TSHZ2: variants seen among roughly 807,000 people sequenced by gnomAD.
The protein encoded by TSHZ2 is teashirt homolog 2.
Under a neutral mutation model 74.4 loss-of-function variants are expected in TSHZ2, and 21 were observed. The ratio of observed to expected loss-of-function variants is 0.28; its 90% CI spans 0.20 to 0.41. The LOEUF (loss-of-function observed/expected upper bound fraction) is 0.41, where lower values mean the gene tolerates loss of function less well. Among genes scored for constraint, TSHZ2 ranks in the 10% least tolerant of loss-of-function variants. TSHZ2 has a pLI of 1.00. For missense variants in TSHZ2, 1,244 were observed against 1,293.5 expected, an observed-to-expected ratio of 0.96 and a Z score of 0.59; for synonymous variants, 540 against 515.3, an observed-to-expected ratio of 1.05 and a Z score of -0.65.
chr20:53,118,368 G>A (rs1986724014), intron 1 of TSHZ2, among the ~76,000 whole-genome samples: 1 of 152,192 alleles, frequency 6.6e-6, no homozygotes, highest in African/African-American at 2.4e-5. Flanking sequence ...AGCAGAGCCT[G>A]AGGCAGGGAT....
rs563884314 is a variant in TSHZ2 at position 53,074,842 on chromosome 20, A to T, written c.40+101509A>T. 6.6e-6 allele frequency among the ~76,000 whole-genome samples: 1 copy of T among 152,220 alleles called. No individual in the cohort carries two copies. Among genetic ancestry groups the T allele is most frequent in the Non-Finnish European group, 1.5e-5 (1 of 68,034 alleles). ...TTAGTCCCATTTAACAGATGAAGCA[A>T]TTGAGGCTTAGAGAAGCAAATGACT... is the stretch of plus-strand genomic sequence containing the variant. On this transcript the variant is annotated intron_variant, in intron 1 of 2. Transcript: ENST00000371497. The surrounding 1 kb of genome is among the most constrained non-coding windows in gnomAD (Gnocchi z 5.9).
At chr20:53,215,010 A>G (rs1989401291) in intron 1 of TSHZ2, among the ~76,000 whole-genome samples, 1 of 152,182 alleles carries the variant, frequency 6.6e-6, no homozygotes, top group African/African-American at 2.4e-5. Flanking sequence ...TAAAAAATCC[A>G]ATGGACACTG....
At chr20:53,483,758 A>G (rs1237168835) in intron 2 of TSHZ2, among the ~76,000 whole-genome samples, 1 of 152,154 alleles carries the variant, frequency 6.6e-6, no homozygotes, top group African/African-American at 2.4e-5. Context: ...TGTGTTGTGA[A>G]TTTCCAAGAC....
chr20:53,112,392 G>A (rs1330565394), intron 1 of TSHZ2, among the ~76,000 whole-genome samples: 2 of 152,180 alleles, frequency 1.3e-5, no homozygotes, highest in Non-Finnish European at 2.9e-5. Context: ...CCATTTTAAT[G>A]CCTCAGTTTT....
At chr20:53,184,723 T>A (rs1988561292) in intron 1 of TSHZ2, among the ~76,000 whole-genome samples, 1 of 152,242 alleles carries the variant, frequency 6.6e-6, no homozygotes, top group Non-Finnish European at 1.5e-5. Flanking sequence ...TTTTATAATT[T>A]TTTGAGACAG....
At chr20:53,118,319 A>C (rs1367701831) in intron 1 of TSHZ2, among the ~76,000 whole-genome samples, 1 of 152,288 alleles carries the variant, frequency 6.6e-6, no homozygotes, top group South Asian at 2.1e-4. Flanking sequence ...CCCAAAAAAG[A>C]AGAAGAAAAT....
intron 1 of TSHZ2, among the ~76,000 whole-genome samples, chr20:53,016,806 G>T (rs57965948): frequency 0.083 from 12,657 of 152,110 alleles, 636 homozygotes; most frequent in East Asian, 0.13. Flanking sequence ...ATTAGTTGAG[G>T]GTGGTGGGCT....
intron 2 of TSHZ2, among the ~76,000 whole-genome samples, chr20:53,459,732 A>G (rs1985269563): frequency 1.5e-5 from 2 of 136,658 alleles, no homozygotes; most frequent in South Asian, 5.2e-4. Flanking sequence ...TTCCTTCAGG[A>G]GCTCTTTTAG....
chr20:53,119,729 C>T (rs375066818), intron 1 of TSHZ2, among the ~76,000 whole-genome samples: 1 of 152,166 alleles, frequency 6.6e-6, no homozygotes, highest in African/African-American at 2.4e-5. Context: ...ATTAATTTTG[C>T]TTGTTTAATG....
intron 1 of TSHZ2, among the ~76,000 whole-genome samples, chr20:53,106,407 T>TTTC (rs1986369732): frequency 1.6e-5 from 2 of 122,252 alleles, no homozygotes; most frequent in Admixed American, 1.7e-4. Context: ...TTTTTTTTTT[T>TTTC]TTTTTTTTTT....
intron 1 of TSHZ2, among the ~76,000 whole-genome samples, chr20:53,041,800 AAACTTGAAAG>A (rs1283090505): frequency 5.3e-5 from 8 of 152,246 alleles, no homozygotes; most frequent in African/African-American, 1.9e-4. Flanking sequence ...GAGTCTCCTG[AAACTTGAAAG>A]AAAAGTGTTA....
rs559895515 is a variant in TSHZ2 at position 53,261,052 on chromosome 20, C to T, written c.*8+4481C>T. 2.0e-5 allele frequency among the ~76,000 whole-genome samples: 3 copies of T among 152,214 alleles called. No homozygotes were observed. The East Asian group carries it at 5.8e-4, about 29-fold the overall frequency. On this transcript the variant is annotated intron_variant, in intron 2 of 2. Transcript: ENST00000371497. ...GAGTTTCATGATTTGTCCAAGAAGA[C>T]AAAACTAAACCTGGAGGTAGGTTTT...
chr20:53,217,648 A>G (rs922961565), intron 1 of TSHZ2, among the ~76,000 whole-genome samples: 2 of 152,168 alleles, frequency 1.3e-5, no homozygotes, highest in African/African-American at 4.8e-5. Flanking sequence ...ACGCAACCAC[A>G]CAGGGCCAGT....
intron 2 of TSHZ2, among the ~76,000 whole-genome samples, chr20:53,281,557 T>A (rs1168724333): frequency 6.6e-6 from 1 of 152,188 alleles, no homozygotes; most frequent in Admixed American, 6.5e-5. Context: ...TGAAAATAAG[T>A]GGAGGGCCAG....
intron 2 of TSHZ2, among the ~76,000 whole-genome samples, chr20:53,454,143 A>G (rs1008314893): frequency 6.6e-6 from 1 of 152,204 alleles, no homozygotes; most frequent in Non-Finnish European, 1.5e-5. Context: ...CCTTTCTGTG[A>G]TGCTCATCCA....
chr20:53,275,235 G>A (rs1347639745), intron 2 of TSHZ2, among the ~76,000 whole-genome samples: 1 of 152,066 alleles, frequency 6.6e-6, no homozygotes, highest in Non-Finnish European at 1.5e-5. Context: ...CATTCCTTGA[G>A]CTCACCTTAT....
At chr20:53,056,729 T>G (rs1431802628) in intron 1 of TSHZ2, among the ~76,000 whole-genome samples, 1 of 152,164 alleles carries the variant, frequency 6.6e-6, no homozygotes, top group East Asian at 1.9e-4. Flanking sequence ...AAATAAATGC[T>G]CACACTCTGC....
intron 1 of TSHZ2, among the ~76,000 whole-genome samples, chr20:53,248,246 T>A (rs1037002602): frequency 2.5e-4 from 37 of 150,482 alleles, no homozygotes; most frequent in Non-Finnish European, 5.3e-4. Context: ...ATTTTTTTTT[T>A]ATTTTTTTTG....
intron 2 of TSHZ2, among the ~76,000 whole-genome samples, chr20:53,333,478 T>C (rs1434507778): frequency 9.3e-5 from 14 of 151,306 alleles, no homozygotes; most frequent in Admixed American, 2.6e-4. Context: ...TTTTTTTAGA[T>C]GGAGTCTCGC....
Sources: gnomAD v4.1 joint callset for allele counts (sites outside exome capture counted in the v4.1 genomes callset) on GRCh38, gnomAD v4.1.1 for gene constraint, Gnocchi (gnomAD v3.1) non-coding constraint, MANE v1.5 for transcripts, NCBI Gene and HGNC (gene_info 2026-07-23, HGNC 2026-07-21) for gene names.